UIMC1: variants seen among roughly 807,000 people sequenced by gnomAD.
UIMC1 encodes ubiquitin interaction motif containing 1.
A neutral mutation model predicts 84.9 loss-of-function variants in UIMC1; 42 were observed. The observed-to-expected ratio is 0.49, with a 90% CI of 0.39 to 0.64. The LOEUF is 0.64. Ranked by LOEUF, UIMC1 falls within the 30% of genes least tolerant of loss-of-function variation. The pLI, the probability that UIMC1 is intolerant of heterozygous loss-of-function variation, is 0.00. For missense variants in UIMC1, 825 were observed against 847.6 expected, an observed-to-expected ratio of 0.97 and a Z score of 0.33; for synonymous variants, 281 against 293.0, an observed-to-expected ratio of 0.96 and a Z score of 0.42.
At chr5:176,951,150 T>C (rs986765317) in intron 9 of UIMC1, among the ~76,000 whole-genome samples, 5 of 152,248 alleles carry the variant, frequency 3.3e-5, no homozygotes, top group African/African-American at 1.2e-4. Context: ...CCTGTAACTT[T>C]GGATTCAAAC....
At chr5:176,971,136 G>T (rs1258342846) in intron 3 of UIMC1, among the ~76,000 whole-genome samples, 1 of 152,168 alleles carries the variant, frequency 6.6e-6, no homozygotes, top group Non-Finnish European at 1.5e-5. Flanking sequence ...TATACCTCCA[G>T]CACATAAAAA....
intron 3 of UIMC1, among the ~76,000 whole-genome samples, chr5:176,972,157 T>C (rs772654349): frequency 1.8e-4 from 27 of 151,642 alleles, no homozygotes; most frequent in Non-Finnish European, 3.5e-4. Flanking sequence ...TCCCAGCACT[T>C]TGGGAGGCCA....
chr5:176,981,174 T>C (rs1299448975), intron 2 of UIMC1, among the ~76,000 whole-genome samples: 1 of 146,556 alleles, frequency 6.8e-6, no homozygotes, highest in Non-Finnish European at 1.5e-5. Flanking sequence ...AGACGGAGTC[T>C]CCCTCTGTCA....
chr5:176,917,997 G>A (rs959749074), intron 10 of UIMC1, among the ~76,000 whole-genome samples: 6 of 152,154 alleles, frequency 3.9e-5, no homozygotes, highest in African/African-American at 1.4e-4. Context: ...TCAGTCCCAT[G>A]AGCCACATTT....
intron 10 of UIMC1, among the ~76,000 whole-genome samples, chr5:176,941,931 C>T (rs1764488172): frequency 6.6e-6 from 1 of 152,080 alleles, no homozygotes; most frequent in Non-Finnish European, 1.5e-5. Flanking sequence ...ACAACCTCTG[C>T]CTCCCGGGTT....
rs1764550057 is a variant in UIMC1 at position 176,942,466 on chromosome 5, G to A, written c.1597+869C>T. On this transcript the variant is annotated intron_variant, in intron 10 of 14. Coordinates refer to ENST00000511320, the MANE Select transcript of UIMC1 (RefSeq NM_001199298.2). The stretch of plus-strand genomic sequence containing the variant: ...TAAAAGATGGGCCAGGTGCAGGCTG[G>A]GCGTGGTGGCTTACACCTGTAATCC... Among the ~76,000 whole-genome samples, 3 of 151,470 alleles carry A rather than the reference G, an allele frequency of 2.0e-5. No homozygotes were observed. The South Asian group carries it at 6.3e-4, about 32-fold the overall frequency.
intron 1 of UIMC1, among the ~76,000 whole-genome samples, chr5:177,020,220 C>T (rs1449005502): frequency 6.6e-6 from 1 of 152,180 alleles, no homozygotes; most frequent in Non-Finnish European, 1.5e-5. Flanking sequence ...ATCATGCTCT[C>T]TCCTGCCTCA....
intron 2 of UIMC1, among the ~76,000 whole-genome samples, chr5:176,977,240 A>AAG (rs1180802848): frequency 2.6e-5 from 4 of 151,324 alleles, no homozygotes; most frequent in South Asian, 2.1e-4. Context: ...AAAAAAAAAA[A>AAG]AGAGAGAGAG....
chr5:176,933,734 C>T (rs1763393575), intron 10 of UIMC1, among the ~76,000 whole-genome samples: 1 of 151,884 alleles, frequency 6.6e-6, no homozygotes, highest in Non-Finnish European at 1.5e-5. Context: ...TAGTGTCTTC[C>T]TATGTTGCTC....
intron 6 of UIMC1, among the ~76,000 whole-genome samples, chr5:176,963,157 T>TAAAAAAAA (rs70991588): frequency 1.4e-4 from 2 of 13,964 alleles, no homozygotes; most frequent in Non-Finnish European, 2.2e-4. Context: ...AAAAATAAAT[T>TAAAAAAAA]AAAAAAAAAA....
rs1271468882 is a variant in UIMC1 at position 176,914,069 on chromosome 5, T to TACCACACCAC, written c.1598-2690_1598-2681dup. On this transcript the variant is annotated intron_variant, in intron 10 of 14. Coordinates refer to ENST00000511320, the MANE Select transcript of UIMC1 (RefSeq NM_001199298.2). The stretch of plus-strand genomic sequence containing the variant: ...TACCATACCATACCATACCATACCA[T>TACCACACCAC]ACCACACCACACCACACCATACCAT... Among the ~76,000 whole-genome samples, 70 of 144,488 alleles carry TACCACACCAC rather than the reference T, an allele frequency of 4.8e-4. 1 individual carries two copies. Among genetic ancestry groups the TACCACACCAC allele is most frequent in the African/African-American group, 1.9e-3 (66 of 35,076 alleles). 94.8% of individuals were successfully genotyped at this position (144,488 alleles called of 152,430 possible).
chr5:177,012,447 C>T (rs542400349), intron 1 of UIMC1, among the ~76,000 whole-genome samples: 443 of 152,218 alleles, frequency 2.9e-3, no homozygotes, highest in Non-Finnish European at 5.1e-3. Context: ...CCTGCAATCC[C>T]GGCACTTTGG....
intron 1 of UIMC1, among the ~76,000 whole-genome samples, chr5:176,999,685 AACAT>A (rs1405855754): frequency 6.6e-6 from 1 of 152,200 alleles, no homozygotes; most frequent in East Asian, 1.9e-4. Context: ...TATTTCACTT[AACAT>A]AATGACCTCC....
intron 10 of UIMC1, among the ~76,000 whole-genome samples, chr5:176,934,891 C>G (rs1392659101): frequency 6.6e-6 from 1 of 152,208 alleles, no homozygotes; most frequent in South Asian, 2.1e-4. Context: ...ATCTGTTGAA[C>G]AGAGACCACT....
rs1768726093 is a variant in UIMC1, at chr5:176,968,800, C to CT, written c.954dup (p.Gly319ArgfsTer9). 6.2e-7 allele frequency: 1 copy of CT among 1,614,126 alleles called. No homozygotes were observed. Among genetic ancestry groups the CT allele is most frequent in the Non-Finnish European group, 8.5e-7 (1 of 1,180,028 alleles). ...CTAGGTAACACTGGTTCCCCAAAACCTTTTTTATTAAGGAGCTGCCTCTGA... is the reference window on the plus strand; with the variant it reads ...CTAGGTAACACTGGTTCCCCAAAACCTTTTTTTATTAAGGAGCTGCCTCTGA... On this transcript the variant is annotated frameshift_variant, in exon 6 of 15. Coordinates refer to ENST00000511320, the MANE Select transcript of UIMC1 (RefSeq NM_001199298.2). LOFTEE classifies it high-confidence loss of function.
chr5:177,011,238 T>C (rs1000142406), upstream of UIMC1, among the ~76,000 whole-genome samples: 4 of 151,124 alleles, frequency 2.6e-5, no homozygotes, highest in African/African-American at 9.7e-5. Context: ...TACTGTGTAA[T>C]TAAAAATGAA....
chr5:176,911,626 C>A lies in UIMC1; in HGVS notation c.1598-237G>T, dbSNP rs577319623. ...ACAAGATATTCCGCTGTATGCTAAG[C>A]CATGAGATCTAAAGATCTACTCCAC... On this transcript the variant is annotated intron_variant, in intron 10 of 14. Transcript: ENST00000511320. Among the ~76,000 whole-genome samples the A allele has an allele frequency of 2.6e-5, 4 of 152,228 alleles. No homozygotes were observed. In the East Asian group the frequency reaches 7.7e-4, roughly 29 times the overall value.
chr5:176,954,784 G>A (rs115027619), intron 8 of UIMC1, among the ~76,000 whole-genome samples: 321 of 150,438 alleles, frequency 2.1e-3, no homozygotes, highest in African/African-American at 6.9e-3. Context: ...AACATAGTCC[G>A]ATTTTTAAAA....
intron 10 of UIMC1, among the ~76,000 whole-genome samples, chr5:176,928,173 C>T (rs532015339): frequency 1.6e-4 from 24 of 152,206 alleles, no homozygotes; most frequent in Admixed American, 1.2e-3. Flanking sequence ...ACTTTTACTG[C>T]AACACAGCCG....
Sources: gnomAD v4.1 joint callset for allele counts (sites outside exome capture counted in the v4.1 genomes callset) on GRCh38, gnomAD v4.1.1 for gene constraint, MANE v1.5 for transcripts, NCBI Gene and HGNC (gene_info 2026-07-23, HGNC 2026-07-21) for gene names.